The following PLCB1 variants were observed in gnomAD, a reference collection of about 807,000 sequenced individuals.
The protein encoded by PLCB1 is 1-phosphatidylinositol 4,5-bisphosphate phosphodiesterase beta-1.
PLCB1 carries 46 observed loss-of-function variants against 161.8 expected under a neutral mutation model. The observed-to-expected ratio is 0.28, with a 90% CI of 0.22 to 0.36. The LOEUF (loss-of-function observed/expected upper bound fraction) is 0.36. Among genes scored for constraint, PLCB1 ranks in the 10% least tolerant of loss-of-function variants. The probability of loss-of-function intolerance (pLI) is 1.00; values close to 1 mark genes in which losing one functional copy is unlikely to be tolerated. For synonymous variants in PLCB1, 517 were observed against 503.7 expected (o/e 1.03, Z -0.35); for missense variants, 1,016 against 1,472.5 (o/e 0.69, Z 5.07).
chr20:8,627,333 T>A (rs1297453663), intron 3 of PLCB1, among the ~76,000 whole-genome samples: 1 of 152,154 alleles, frequency 6.6e-6, no homozygotes, highest in Non-Finnish European at 1.5e-5. Context: ...AGATTTTTTT[T>A]AAACATCTAC....
At chr20:8,271,411 A>G (rs1261489462) in intron 2 of PLCB1, among the ~76,000 whole-genome samples, 1 of 152,144 alleles carries the variant, frequency 6.6e-6, no homozygotes, top group East Asian at 1.9e-4. Flanking sequence ...GTAATTCCTG[A>G]TAGAATTAAG....
chr20:8,369,745 A>G (rs980509790), intron 2 of PLCB1, among the ~76,000 whole-genome samples: 3 of 152,204 alleles, frequency 2.0e-5, no homozygotes, highest in African/African-American at 4.8e-5. Context: ...TAAAATGGGG[A>G]AAATGAAACT....
intron 2 of PLCB1, among the ~76,000 whole-genome samples, chr20:8,258,823 C>T (rs1451455345): frequency 3.9e-5 from 6 of 151,978 alleles, no homozygotes; most frequent in Non-Finnish European, 7.4e-5. Flanking sequence ...GTATACTTTG[C>T]ACAGAGTAAA....
At chr20:8,794,291 T>C (rs1374326602) in intron 31 of PLCB1, among the ~76,000 whole-genome samples, 4 of 152,222 alleles carry the variant, frequency 2.6e-5, no homozygotes, top group South Asian at 2.1e-4. Flanking sequence ...AAGTGATAAG[T>C]GTTCATGAAA....
chr20:8,696,358 A>G lies in PLCB1; in HGVS notation c.1010-1268A>G, dbSNP rs145016720. ...ATCTCAATTCTATTTCCATTAATCTATATGTCTGTCTTTATGCCAGTACCA... is the reference window on the plus strand; with the variant it reads ...ATCTCAATTCTATTTCCATTAATCTGTATGTCTGTCTTTATGCCAGTACCA... On this transcript the variant is annotated intron_variant, in intron 10 of 31. Coordinates refer to ENST00000338037, the MANE Select transcript of PLCB1 (RefSeq NM_015192.4). Among the ~76,000 whole-genome samples, 11 of 152,292 alleles carry G rather than the reference A, an allele frequency of 7.2e-5. No individual in the cohort carries two copies. The East Asian group carries it at 2.1e-3, about 29-fold the overall frequency.
chr20:8,637,492 G>C (rs187168292), intron 4 of PLCB1, among the ~76,000 whole-genome samples: 1 of 152,204 alleles, frequency 6.6e-6, no homozygotes, highest in Admixed American at 6.5e-5. Context: ...TAATGAGTAG[G>C]AAACTGGAAG....
chr20:8,629,959 CTTTCTTCTTTCT>C lies in PLCB1; in HGVS notation c.384+1531_384+1542del, dbSNP rs1487262485. On this transcript the variant is annotated intron_variant, in intron 4 of 31. Coordinates refer to ENST00000338037, the MANE Select transcript of PLCB1 (RefSeq NM_015192.4). ...CTTTCTTTCTCTCTTTCTTTTCTTT[CTTTCTTCTTTCT>C]TTCTTTCTTTCTTTCTTTCTTTCTT... 6.3e-4 allele frequency among the ~76,000 whole-genome samples: 64 copies of C among 102,342 alleles called. 1 individual carries two copies. The highest frequency in any genetic ancestry group is 2.6e-3 in the African/African-American group (55 of 20,780). 67.1% of individuals were successfully genotyped at this position (102,342 alleles called of 152,430 possible). A position where few individuals can be genotyped will look rare whatever the true frequency, so the allele number is the denominator to read the frequency against.
At chr20:8,280,432 TAACTC>T (rs1240320394) in intron 2 of PLCB1, among the ~76,000 whole-genome samples, 1 of 152,162 alleles carries the variant, frequency 6.6e-6, no homozygotes, top group Non-Finnish European at 1.5e-5. Flanking sequence ...ATGATTCTCT[TAACTC>T]TACTATTTTC....
At chr20:8,685,703 C>T (rs1398608992) in intron 10 of PLCB1, among the ~76,000 whole-genome samples, 7 of 151,806 alleles carry the variant, frequency 4.6e-5, no homozygotes, top group Non-Finnish European at 8.8e-5. Flanking sequence ...CACCACTGCA[C>T]CCCAACCTGG....
chr20:8,676,042 C>CA (rs1310115344), intron 9 of PLCB1, among the ~76,000 whole-genome samples: 4 of 152,206 alleles, frequency 2.6e-5, no homozygotes, highest in African/African-American at 9.6e-5. Context: ...GTCAGGAAAA[C>CA]AGAGAGTGTG....
chr20:8,798,587 C>T (rs1021844745), intron 31 of PLCB1, among the ~76,000 whole-genome samples: 16 of 152,266 alleles, frequency 1.1e-4, no homozygotes, highest in African/African-American at 3.6e-4. Flanking sequence ...CACACACACA[C>T]ACACACACCC....
chr20:8,554,657 C>T (rs933749683), intron 3 of PLCB1, among the ~76,000 whole-genome samples: 1 of 152,020 alleles, frequency 6.6e-6, no homozygotes, highest in Non-Finnish European at 1.5e-5. Flanking sequence ...GTGTATTATA[C>T]CTTAGCCTGG....
At chr20:8,561,586 A>G (rs1014878200) in intron 3 of PLCB1, among the ~76,000 whole-genome samples, 2 of 152,012 alleles carry the variant, frequency 1.3e-5, no homozygotes, top group African/African-American at 4.8e-5. Context: ...TAATTCTATC[A>G]GTGAAAATAA....
At chr20:8,333,255 A>G (rs1421051539) in intron 2 of PLCB1, among the ~76,000 whole-genome samples, 1 of 152,166 alleles carries the variant, frequency 6.6e-6, no homozygotes, top group African/African-American at 2.4e-5. Flanking sequence ...GAATACCCAC[A>G]TTGGATTTTC....
rs144196663 is a variant in PLCB1 at position 8,650,523 on chromosome 20, C to A, written c.594+1074C>A. 8.6e-3 allele frequency among the ~76,000 whole-genome samples: 1,312 copies of A among 152,180 alleles called. 24 individuals are homozygous for A. The highest frequency in any genetic ancestry group is 0.03 in the African/African-American group (1,253 of 41,502). ...CTGCCTATGGAGTAGCCCTGCTCTGCGGGAACAGGCATGGAGCTGTAACAC... is the reference window on the plus strand; with the variant it reads ...CTGCCTATGGAGTAGCCCTGCTCTGAGGGAACAGGCATGGAGCTGTAACAC... On this transcript the variant is annotated intron_variant, in intron 7 of 31. Coordinates refer to ENST00000338037, the MANE Select transcript of PLCB1 (RefSeq NM_015192.4).
intron 2 of PLCB1, among the ~76,000 whole-genome samples, chr20:8,231,177 A>T (rs182997763): frequency 6.6e-6 from 1 of 152,282 alleles, no homozygotes; most frequent in East Asian, 1.9e-4. Flanking sequence ...CTATGTATGC[A>T]TGTATCACAT....
chr20:8,493,527 C>T (rs1983033173), intron 3 of PLCB1, among the ~76,000 whole-genome samples: 1 of 152,202 alleles, frequency 6.6e-6, no homozygotes, highest in Non-Finnish European at 1.5e-5. Context: ...TTTATTAAAT[C>T]TCCATAGTTT....
At chr20:8,595,183 C>G (rs1280181438) in intron 3 of PLCB1, among the ~76,000 whole-genome samples, 1 of 150,760 alleles carries the variant, frequency 6.6e-6, no homozygotes, top group Non-Finnish European at 1.5e-5. Context: ...ATGTGCCATG[C>G]TGGTACGCTG....
At chr20:8,376,725 G>A (rs968389639) in intron 3 of PLCB1, among the ~76,000 whole-genome samples, 13 of 152,118 alleles carry the variant, frequency 8.5e-5, no homozygotes, top group East Asian at 3.9e-4. Flanking sequence ...TCAGGAGATC[G>A]AGACCATCCT....
Sources: gnomAD v4.1 joint callset for allele counts (sites outside exome capture counted in the v4.1 genomes callset) on GRCh38, gnomAD v4.1.1 for gene constraint, MANE v1.5 for transcripts, NCBI Gene and HGNC (gene_info 2026-07-23, HGNC 2026-07-21) for gene names.